The following ZRANB3 variants were observed in gnomAD, a reference collection of about 807,000 sequenced individuals.
The protein encoded by ZRANB3 is zinc finger RANBP2-type containing 3.
ZRANB3 carries 125 observed loss-of-function variants against 133.8 expected under a neutral mutation model. The observed-to-expected ratio is 0.93, with a 90% CI of 0.81 to 1.08. The LOEUF is 1.08. ZRANB3 is among the 50% of genes least tolerant of loss of function. ZRANB3 has a pLI of 0.00. For synonymous variants in ZRANB3, 387 were observed against 432.7 expected, an observed-to-expected ratio of 0.89 and a Z score of 1.31; for missense variants, 1,229 against 1,275.5, an observed-to-expected ratio of 0.96 and a Z score of 0.56.
At chr2:135,407,842 ACC>A (rs1688112712) in intron 2 of ZRANB3, among the ~76,000 whole-genome samples, 1 of 122,544 alleles carries the variant, frequency 8.2e-6, no homozygotes, top group African/African-American at 4.7e-5. Context: ...TTAAAGACTT[ACC>A]ACGTTAGACC....
In ZRANB3 at chr2:135,400,104, GA is replaced by G. The variant is rs536688295; in HGVS notation, c.162-9285del. Among the ~76,000 whole-genome samples the G allele has an allele frequency of 4.4e-4, 67 of 152,148 alleles. 1 individual carries two copies. The East Asian group carries it at 0.011, about 26-fold the overall frequency. ...AGAGTACAAAAATTAGCCGAGCGTG[GA>G]AGCGGGCTCCTATAATCCCAGCTAC... On this transcript the variant is annotated intron_variant, in intron 2 of 20. Transcript: ENST00000264159.
At chr2:135,389,271 T>C (rs908345946) in intron 3 of ZRANB3, among the ~76,000 whole-genome samples, 4 of 152,224 alleles carry the variant, frequency 2.6e-5, no homozygotes, top group African/African-American at 7.2e-5. Context: ...TAAACACCTA[T>C]TGAATGAAAG....
chr2:135,450,707 T>C (rs114215394), intron 2 of ZRANB3, among the ~76,000 whole-genome samples: 1 of 152,150 alleles, frequency 6.6e-6, no homozygotes, highest in South Asian at 2.1e-4. Flanking sequence ...CCAGTGATCC[T>C]TGAAAGACAG....
At chr2:135,256,519 G>T (rs1679662259) in intron 12 of ZRANB3, among the ~76,000 whole-genome samples, 1 of 152,022 alleles carries the variant, frequency 6.6e-6, no homozygotes, top group Non-Finnish European at 1.5e-5. Context: ...GTAGAGATGG[G>T]GTTTCTCCAT....
intron 2 of ZRANB3, among the ~76,000 whole-genome samples, chr2:135,406,342 C>A (rs972665420): frequency 6.6e-6 from 1 of 152,170 alleles, no homozygotes; most frequent in East Asian, 1.9e-4. Context: ...AGTTTACCAA[C>A]CAAAAAAAGC....
At chr2:135,439,963 C>T (rs879451334) in intron 2 of ZRANB3, among the ~76,000 whole-genome samples, 2 of 152,048 alleles carry the variant, frequency 1.3e-5, no homozygotes, top group Non-Finnish European at 2.9e-5. Context: ...TATTCTAGAA[C>T]CATAATTAAG....
intron 6 of ZRANB3, among the ~76,000 whole-genome samples, chr2:135,340,888 T>C (rs1225772378): frequency 6.7e-6 from 1 of 150,010 alleles, no homozygotes; most frequent in Non-Finnish European, 1.5e-5. Flanking sequence ...TAATACCAAG[T>C]CTTTTCATCA....
intron 7 of ZRANB3, among the ~76,000 whole-genome samples, chr2:135,314,089 C>T (rs1229966363): frequency 6.6e-6 from 1 of 152,208 alleles, no homozygotes. Flanking sequence ...GTCTCGAACT[C>T]CTAACCTCAG....
intron 8 of ZRANB3, 116 bp downstream of exon 8, chr2:135,313,373 G>T: frequency 6.2e-5 from 36 of 581,390 alleles, no homozygotes; most frequent in Non-Finnish European, 8.5e-5. Context: ...AAAAAAAAGA[G>T]TTAAACAATA....
Position 135,268,853 on chromosome 2 carries a change from T to G in ZRANB3, c.1386+109A>C. 3 of 1,017,090 alleles carry G rather than the reference T, an allele frequency of 2.9e-6. No homozygotes were observed. The South Asian group carries it at 4.9e-5, about 17-fold the overall frequency. 63.0% of individuals were successfully genotyped at this position (1,017,090 alleles called of 1,614,324 possible). ...GTCTCTATTATCATCATTATCTTGA[T>G]GTGCTTAAGTATCCTTTGCCTGAAA... On this transcript the variant is annotated intron_variant, in intron 11 of 20. Coordinates refer to ENST00000264159, the MANE Select transcript of ZRANB3 (RefSeq NM_032143.4).
chr2:135,230,317 T>C (rs1694940397), intron 13 of ZRANB3, among the ~76,000 whole-genome samples, 196 bp downstream of exon 13: 1 of 152,242 alleles, frequency 6.6e-6, no homozygotes, highest in Non-Finnish European at 1.5e-5. Context: ...ATATACATTC[T>C]TGACAGAACT....
chr2:135,380,185 A>G (rs1686623583), intron 3 of ZRANB3, among the ~76,000 whole-genome samples: 1 of 152,202 alleles, frequency 6.6e-6, no homozygotes, highest in Non-Finnish European at 1.5e-5. Context: ...ACCTACAAAG[A>G]GACTTAGACT....
chr2:135,517,624 C>G (rs1288435170), intron 1 of ZRANB3, among the ~76,000 whole-genome samples: 5 of 152,236 alleles, frequency 3.3e-5, no homozygotes, highest in African/African-American at 1.2e-4. Flanking sequence ...GCAAAGGTTG[C>G]TGCCTGTTCC....
chr2:135,497,158 T>C (rs1692709917), intron 2 of ZRANB3, among the ~76,000 whole-genome samples: 1 of 152,204 alleles, frequency 6.6e-6, no homozygotes, highest in Non-Finnish European at 1.5e-5. Context: ...ATTATAAATA[T>C]ATAAATTCTC....
At chr2:135,234,571 G>T (rs1040622087) in intron 12 of ZRANB3, among the ~76,000 whole-genome samples, 2 of 152,142 alleles carry the variant, frequency 1.3e-5, no homozygotes, top group Non-Finnish European at 2.9e-5. Flanking sequence ...TAAAAGAACA[G>T]AAATTATAAC....
chr2:135,457,243 T>C (rs1574133771), intron 2 of ZRANB3, among the ~76,000 whole-genome samples: 1 of 152,184 alleles, frequency 6.6e-6, no homozygotes, highest in African/African-American at 2.4e-5. Flanking sequence ...TAGGATAACA[T>C]GAAAAATAGT....
chr2:135,460,556 C>T (rs1242954295), intron 2 of ZRANB3, among the ~76,000 whole-genome samples: 2 of 152,054 alleles, frequency 1.3e-5, no homozygotes, highest in South Asian at 2.1e-4. Flanking sequence ...TGTGAGCCAC[C>T]GAGCCTGGAC....
intron 6 of ZRANB3, among the ~76,000 whole-genome samples, chr2:135,320,445 GT>G (rs1430941556): frequency 2.0e-5 from 3 of 152,102 alleles, no homozygotes; most frequent in African/African-American, 7.2e-5. Flanking sequence ...CCAAAAAATT[GT>G]AAATGCCCCT....
chr2:135,436,935 T>C (rs941393431), intron 2 of ZRANB3, among the ~76,000 whole-genome samples: 1 of 152,194 alleles, frequency 6.6e-6, no homozygotes, highest in African/African-American at 2.4e-5. Flanking sequence ...ACACAAATGT[T>C]CATCAATACT....
Sources: allele counts gnomAD v4.1 joint callset (sites outside exome capture counted in the v4.1 genomes callset), GRCh38; gene constraint gnomAD v4.1.1; transcripts MANE v1.5; gene names NCBI Gene and HGNC (gene_info 2026-07-23, HGNC 2026-07-21).